STAG1: variants seen among roughly 807,000 people sequenced by gnomAD.
STAG1 encodes cohesin subunit SA-1.
In STAG1, 26 loss-of-function variants were observed where a neutral mutation model predicts 170.9. The ratio of observed to expected loss-of-function variants is 0.15; its 90% CI spans 0.11 to 0.21. STAG1 has a LOEUF of 0.21. STAG1 is among the 10% of genes least tolerant of loss of function. The pLI, the probability that STAG1 is intolerant of heterozygous loss-of-function variation, is 1.00. For synonymous variants in STAG1, 514 were observed against 497.7 expected (o/e 1.03, Z -0.44); for missense variants, 964 against 1,509.5 (o/e 0.64, Z 5.99).
intron 15 of STAG1, among the ~76,000 whole-genome samples, chr3:136,435,986 C>T (rs66691851): frequency 0.37 from 56,051 of 151,784 alleles, 12,468 homozygotes; most frequent in East Asian, 0.8. Context: ...TTGAGACAGT[C>T]TTGCTCCATC....
At chr3:136,572,216 T>G (rs1181064554) in intron 4 of STAG1, among the ~76,000 whole-genome samples, 2 of 150,292 alleles carry the variant, frequency 1.3e-5, no homozygotes, top group Non-Finnish European at 3.0e-5. Context: ...CTGTTTCAAT[T>G]AAATAAATAA....
chr3:136,473,677 T>C (rs1012384566), intron 10 of STAG1, 40 bp from the exon 11 acceptor site: 1 of 1,460,266 alleles, frequency 6.8e-7, no homozygotes, highest in Admixed American at 1.7e-5. Flanking sequence ...AAGGAGTCAA[T>C]TCCATACTAC....
chr3:136,367,570 CTG>C (rs899057062), intron 24 of STAG1, among the ~76,000 whole-genome samples: 3 of 152,084 alleles, frequency 2.0e-5, no homozygotes, highest in African/African-American at 4.8e-5. Flanking sequence ...CTTTAAAACG[CTG>C]TCTTTTCTTA....
At chr3:136,613,313 C>CAAAAA (rs60449608) in intron 3 of STAG1, among the ~76,000 whole-genome samples, 15,449 of 59,628 alleles carry the variant, frequency 0.26, 3,979 homozygotes, top group East Asian at 0.7. Context: ...GACTCCGTCT[C>CAAAAA]AAAAAAAAAA....
chr3:136,526,046 G>C (rs1032594817), intron 6 of STAG1, among the ~76,000 whole-genome samples: 30 of 152,186 alleles, frequency 2.0e-4, no homozygotes, highest in Admixed American at 2.0e-3. Flanking sequence ...TAAGTATGAC[G>C]TGGTGCTGAG....
intron 16 of STAG1, among the ~76,000 whole-genome samples, chr3:136,432,435 T>C (rs948660710): frequency 6.6e-6 from 1 of 151,158 alleles, no homozygotes; most frequent in Non-Finnish European, 1.5e-5. Context: ...TTTCTTTGCA[T>C]GGCTGTAGTT....
At chr3:136,450,413 G>C (rs1035065985) in intron 14 of STAG1, among the ~76,000 whole-genome samples, 1 of 152,256 alleles carries the variant, frequency 6.6e-6, no homozygotes, top group Admixed American at 6.5e-5. Flanking sequence ...TCTCTAGCTA[G>C]TTTTGTTTCT....
At chr3:136,507,356 A>AT (rs1933818692) in intron 7 of STAG1, among the ~76,000 whole-genome samples, 1 of 152,000 alleles carries the variant, frequency 6.6e-6, no homozygotes, top group African/African-American at 2.4e-5. Flanking sequence ...ACCATATAAA[A>AT]TTTTTTTACT....
At chr3:136,733,725 T>G (rs1559979527) in intron 1 of STAG1, among the ~76,000 whole-genome samples, 1 of 152,186 alleles carries the variant, frequency 6.6e-6, no homozygotes, top group Non-Finnish European at 1.5e-5. Context: ...TAAGGCATTG[T>G]TTTCCCAACA....
chr3:136,370,747 A>T (rs1937287442), intron 23 of STAG1, among the ~76,000 whole-genome samples: 1 of 152,008 alleles, frequency 6.6e-6, no homozygotes, highest in African/African-American at 2.4e-5. Context: ...CATTTTCTTA[A>T]TCTGGTCTAT....
intron 4 of STAG1, among the ~76,000 whole-genome samples, chr3:136,580,180 G>A (rs983734909): frequency 2.0e-5 from 3 of 151,900 alleles, no homozygotes; most frequent in African/African-American, 7.3e-5. Context: ...TGTTGGCCAG[G>A]ATGGTCTTGA....
At chr3:136,624,310 C>A (rs1939997390) in intron 2 of STAG1, among the ~76,000 whole-genome samples, 1 of 152,008 alleles carries the variant, frequency 6.6e-6, no homozygotes, top group South Asian at 2.1e-4. Flanking sequence ...CCGTGTTAGC[C>A]AGGATGGTCT....
intron 7 of STAG1, among the ~76,000 whole-genome samples, chr3:136,520,268 G>C (rs987785250): frequency 1.3e-5 from 2 of 152,052 alleles, no homozygotes; most frequent in Non-Finnish European, 2.9e-5. Flanking sequence ...GGTGATTCTG[G>C]TGTGTGCTAA....
At chr3:136,705,205 C>T (rs1387582902) in intron 1 of STAG1, among the ~76,000 whole-genome samples, 2 of 151,932 alleles carry the variant, frequency 1.3e-5, no homozygotes, top group Non-Finnish European at 2.9e-5. Context: ...GAAACCCCAT[C>T]TCTACTAAAA....
At chr3:136,584,489 C>T (rs144263718) in intron 4 of STAG1, among the ~76,000 whole-genome samples, 9 of 152,338 alleles carry the variant, frequency 5.9e-5, no homozygotes, top group Admixed American at 1.3e-4. Context: ...AGGATTCCTA[C>T]CACCACTCCT....
intron 1 of STAG1, among the ~76,000 whole-genome samples, chr3:136,706,657 C>T (rs1943234360): frequency 2.0e-5 from 3 of 152,234 alleles, no homozygotes; most frequent in South Asian, 2.1e-4. Context: ...CGTACAGATT[C>T]GGTGCAACCC....
At position 136,522,088 on chromosome 3, in the gene STAG1, A is replaced by G. The variant is rs72989454; in HGVS notation, c.472-671T>C. ...CAATTGGTTAGAGGTTTCTCTGTCT[A>G]GTGTAAGACACTTAAGTACAGAAAT... is the stretch of plus-strand genomic sequence containing the variant. On this transcript the variant is annotated intron_variant, in intron 6 of 33. Transcript: ENST00000383202. Among the ~76,000 whole-genome samples the G allele has an allele frequency of 6.1e-3, 923 of 152,338 alleles. 6 individuals carry two copies. Among genetic ancestry groups the G allele is most frequent in the African/African-American group, 0.022 (901 of 41,584 alleles).
chr3:136,720,794 AAAAAG>A (rs1486831421), intron 1 of STAG1, among the ~76,000 whole-genome samples: 17 of 152,026 alleles, frequency 1.1e-4, no homozygotes, highest in Non-Finnish European at 2.5e-4. Flanking sequence ...ATCTCAAAAA[AAAAAG>A]AAAAAGAAAA....
chr3:136,569,295 CTTAATA>C (rs1937184096), intron 4 of STAG1, among the ~76,000 whole-genome samples: 2 of 150,384 alleles, frequency 1.3e-5, no homozygotes, highest in African/African-American at 4.9e-5. Context: ...ACAAGAATGG[CTTAATA>C]TTAAGAAATC....
Sources: allele counts gnomAD v4.1 joint callset (sites outside exome capture counted in the v4.1 genomes callset), GRCh38; gene constraint gnomAD v4.1.1; transcripts MANE v1.5; gene names NCBI Gene and HGNC (gene_info 2026-07-23, HGNC 2026-07-21).